TEX11: variants seen among roughly 807,000 people sequenced by gnomAD.
TEX11 encodes testis-expressed protein 11.
Under a neutral mutation model 84.4 loss-of-function variants are expected in TEX11, and 7 were observed. The observed-to-expected ratio is 0.08, with a 90% CI of 0.05 to 0.16. The LOEUF is 0.16. Among genes scored for constraint, TEX11 ranks in the 10% least tolerant of loss-of-function variants. The pLI is 1.00. For synonymous variants in TEX11, 264 were observed against 222.8 expected (o/e 1.18, Z -1.64); for missense variants, 551 against 660.5 (o/e 0.83, Z 1.82).
chrX:70,569,886 T>C (rs1362865736), intron 25 of TEX11, among the ~76,000 whole-genome samples: 1 of 111,880 alleles, frequency 8.9e-6, no homozygotes, highest in Non-Finnish European at 1.9e-5. Flanking sequence ...GGCAGTCTGC[T>C]GATTCTCAGA....
intron 2 of TEX11, among the ~76,000 whole-genome samples, chrX:70,900,500 G>T (rs1436678976): frequency 9.1e-6 from 1 of 110,109 alleles, no homozygotes; most frequent in African/African-American, 3.3e-5. Flanking sequence ...CACTATGAGT[G>T]CCTACATCAA....
intron 13 of TEX11, among the ~76,000 whole-genome samples, chrX:70,720,585 T>C (rs1317650544): frequency 1.8e-5 from 2 of 110,084 alleles, no homozygotes; most frequent in Admixed American, 2.0e-4. Flanking sequence ...TTTGTAAAGT[T>C]GTCATCTGTA....
intron 25 of TEX11, among the ~76,000 whole-genome samples, chrX:70,562,406 AACTG>A (rs1383175282): frequency 1.8e-5 from 2 of 111,916 alleles, no homozygotes; most frequent in African/African-American, 6.5e-5. Context: ...GTAACAGCAA[AACTG>A]ACTAAATATG....
intron 28 of TEX11, among the ~76,000 whole-genome samples, chrX:70,544,597 C>T (rs1398918425): frequency 4.6e-5 from 5 of 109,322 alleles, no homozygotes; most frequent in African/African-American, 6.7e-5. Flanking sequence ...CCCAGCACTT[C>T]GGGAGGTCGA....
At chrX:70,883,878 G>A (rs945387455) in intron 2 of TEX11, among the ~76,000 whole-genome samples, 1 of 111,425 alleles carries the variant, frequency 9.0e-6, no homozygotes, top group East Asian at 2.8e-4. Flanking sequence ...CCTTGAGGAA[G>A]GGAGCTTCTG....
intron 18 of TEX11, among the ~76,000 whole-genome samples, chrX:70,627,309 G>A (rs57597355): frequency 1.8e-5 from 2 of 112,084 alleles, no homozygotes; most frequent in Admixed American, 1.9e-4. Context: ...GTTTGATATG[G>A]GATAAATGAG....
Position 70,529,858 on chromosome X carries a change from A to G in TEX11, c.2662T>C (p.Phe888Leu). The G allele has an allele frequency of 8.3e-7, 1 of 1,210,375 alleles. No individual in the cohort carries two copies. Among genetic ancestry groups the G allele is most frequent in the Non-Finnish European group, 1.1e-6 (1 of 895,004 alleles). The change falls in exon 29 of 30, where the codon TTC becomes CTC. Residue 888 changes from phenylalanine (F) to leucine (L), a missense_variant. Coordinates refer to ENST00000374333, the MANE Select transcript of TEX11 (RefSeq NM_031276.3). ...ACCTGAGTTTCATAGCTTTCCTTGA[A>G]GGAGGTAAGGTGGTTAAGGAAACGC... ...ALRFLNHLTS[F>L]KESYETQMNM... is the part of the protein sequence containing the mutation.
chrX:70,601,914 G>A (rs1262258673), intron 24 of TEX11, among the ~76,000 whole-genome samples: 4 of 110,787 alleles, frequency 3.6e-5, no homozygotes, highest in Non-Finnish European at 7.6e-5. Flanking sequence ...AGAACAAAAT[G>A]AAAAGTCTCC....
chrX:70,848,319 G>C (rs73213092), intron 7 of TEX11, among the ~76,000 whole-genome samples: 14,186 of 111,798 alleles, frequency 0.13, 773 homozygotes, highest in Middle Eastern at 0.25. Context: ...TGATCACACT[G>C]TTCCTTAAAC....
In TEX11 at chrX:70,734,070, C is replaced by T. The variant is rs754762930; in HGVS notation, c.843+6631G>A. ...ATCGCAAGGACAAAAAACCAAACAC[C>T]GCATGTTCTCACTCATAGGTGGGAA... On this transcript the variant is annotated intron_variant, in intron 11 of 29. Transcript: ENST00000374333. Among the ~76,000 whole-genome samples the T allele has an allele frequency of 1.1e-4, 12 of 110,423 alleles. No homozygotes were observed. The East Asian group carries it at 1.1e-3, about 11-fold the overall frequency.
chrX:70,817,250 T>TACACAC (rs1341574531), intron 8 of TEX11, among the ~76,000 whole-genome samples: 179 of 91,403 alleles, frequency 2.0e-3, no homozygotes, highest in East Asian at 8.0e-3. Context: ...CACACATATA[T>TACACAC]ATATACACAC....
intron 4 of TEX11, among the ~76,000 whole-genome samples, chrX:70,870,865 G>C (rs2091626065): frequency 9.0e-6 from 1 of 111,527 alleles, no homozygotes; most frequent in Non-Finnish European, 1.9e-5. Flanking sequence ...ACCAATGGAA[G>C]GGCCTGGGCA....
At chrX:70,811,645 G>C (rs759405071) in intron 8 of TEX11, among the ~76,000 whole-genome samples, 32 of 111,053 alleles carry the variant, frequency 2.9e-4, no homozygotes, top group African/African-American at 9.5e-4. Flanking sequence ...CCCACCAACA[G>C]TGTAAAAGTG....
intron 17 of TEX11, among the ~76,000 whole-genome samples, chrX:70,647,027 T>C (rs899068213): frequency 1.8e-5 from 2 of 111,671 alleles, no homozygotes; most frequent in African/African-American, 6.5e-5. Flanking sequence ...GGTGTATATA[T>C]AGACAATGGA....
chrX:70,578,533 T>A (rs1480593564), intron 25 of TEX11, among the ~76,000 whole-genome samples: 1 of 111,838 alleles, frequency 8.9e-6, no homozygotes, highest in Non-Finnish European at 1.9e-5. Context: ...GCTGAAATTG[T>A]AGATCAGAAT....
intron 28 of TEX11, among the ~76,000 whole-genome samples, chrX:70,545,862 A>G (rs1185703990): frequency 8.9e-6 from 1 of 111,905 alleles, no homozygotes; most frequent in Non-Finnish European, 1.9e-5. Flanking sequence ...ACCATTATAT[A>G]TTATGAAATG....
rs753939405 is a variant in TEX11, at chrX:70,752,524, CAAAAAAAAAA to C, written c.693-8315_693-8306del. ...TGGGTGACAGAGCGATACTCTGTCT[CAAAAAAAAAA>C]AAAAAAAAAAAGAAAAGAAAAAGAC... On this transcript the variant is annotated intron_variant, in intron 9 of 29. Transcript: ENST00000374333. 1.1e-3 allele frequency among the ~76,000 whole-genome samples: 31 copies of C among 28,180 alleles called. No individual in the cohort carries two copies. In the East Asian group the frequency reaches 0.022, roughly 20 times the overall value. 24.5% of individuals were successfully genotyped at this position (28,180 alleles called of 115,157 possible).
At chrX:70,781,146 C>G (rs902605516) in intron 9 of TEX11, among the ~76,000 whole-genome samples, 2 of 111,928 alleles carry the variant, frequency 1.8e-5, no homozygotes, top group East Asian at 5.6e-4. Context: ...ATTCTGCAGC[C>G]TCCGCTGGTG....
chrX:70,532,117 G>A (rs960794205), intron 28 of TEX11, among the ~76,000 whole-genome samples: 3 of 111,706 alleles, frequency 2.7e-5, no homozygotes, highest in African/African-American at 6.5e-5. Flanking sequence ...TGGAAATGCC[G>A]CATTCTATAT....
Sources: allele counts gnomAD v4.1 joint callset (sites outside exome capture counted in the v4.1 genomes callset), GRCh38; gene constraint gnomAD v4.1.1; transcripts MANE v1.5; gene names NCBI Gene and HGNC (gene_info 2026-07-23, HGNC 2026-07-21).